LZTR1: variants seen among roughly 807,000 people sequenced by gnomAD.
LZTR1 encodes leucine-zipper-like transcriptional regulator 1.
LZTR1 carries 260 observed loss-of-function variants against 105.7 expected under a neutral mutation model. The ratio of observed to expected loss-of-function variants is 2.46; its 90% CI spans 2.22 to 2.72. The LOEUF is 2.72. LZTR1 is among the 30% of genes most tolerant of loss of function. The pLI, the probability that LZTR1 is intolerant of heterozygous loss-of-function variation, is 0.00. For missense variants in LZTR1, 1,214 were observed against 1,166.9 expected (o/e 1.04, Z -0.59); for synonymous variants, 490 against 476.4 (o/e 1.03, Z -0.37).
chr22:20,987,120 G>C (rs918903628), intron 3 of LZTR1: 1 of 165,046 alleles, frequency 6.1e-6, no homozygotes, highest in African/African-American at 2.4e-5. Context: ...GTAGCTGGGC[G>C]CGGTGGCTCA....
At chr22:20,987,713 T>C in intron 4 of LZTR1, 130 bp downstream of exon 4, 1 of 856,954 alleles carries the variant, frequency 1.2e-6, no homozygotes, top group South Asian at 1.5e-5. Context: ...CGTGGCTTTG[T>C]CTGCCAGTCT....
chr22:20,985,666 A>G (rs1236401078), intron 2 of LZTR1, among the ~76,000 whole-genome samples, 175 bp from the exon 3 acceptor site: 2 of 151,782 alleles, frequency 1.3e-5, no homozygotes, highest in Non-Finnish European at 2.9e-5. Flanking sequence ...TCAGTTGGGG[A>G]GCCTCCTTTG....
chr22:20,986,699 G>A (rs1295154380), intron 3 of LZTR1: 1 of 152,152 alleles, frequency 6.6e-6, no homozygotes, highest in Non-Finnish European at 1.5e-5. Context: ...TGGATATATA[G>A]ATTATATAGA....
intron 2 of LZTR1, among the ~76,000 whole-genome samples, chr22:20,983,676 G>A (rs553566181): frequency 1.1e-4 from 17 of 152,332 alleles, no homozygotes; most frequent in South Asian, 6.2e-4. Flanking sequence ...GCCCTGGAAG[G>A]TCTGGCCTCT....
chr22:20,982,930 T>C, intron 1 of LZTR1, 97 bp from the exon 2 acceptor site: 1 of 946,082 alleles, frequency 1.1e-6, no homozygotes, highest in Admixed American at 1.8e-5. Context: ...TGAGAGGTGA[T>C]ACCTAACTTC....
chr22:20,991,216 T>G, intron 8 of LZTR1: 1 of 190,996 alleles, frequency 5.2e-6, no homozygotes, highest in Non-Finnish European at 1.1e-5. Context: ...CATCAGGATG[T>G]GGGGTACAGG....
chr22:20,993,783 G>C (rs1924693189), intron 12 of LZTR1, 29 bp downstream of exon 12: 3 of 1,598,656 alleles, frequency 1.9e-6, no homozygotes, highest in Non-Finnish European at 2.6e-6. Context: ...ACCCTGCTCT[G>C]CCTGCTGTGC....
In LZTR1 at chr22:20,996,933, C is replaced by CCTGCACA; in HGVS notation, c.2373_2374insCTGCACA (p.Cys792LeufsTer61). The CCTGCACA allele has an allele frequency of 6.2e-7, 1 of 1,613,578 alleles. No homozygotes were observed. Among genetic ancestry groups the CCTGCACA allele is most frequent in the Non-Finnish European group, 8.5e-7 (1 of 1,179,888 alleles). ...CGCAGGCACTGGACATGAAGCGGCA[C>CCTGCACA]TGCCTGCACATCATTGTGCACCAGT... On this transcript the variant is annotated frameshift_variant, in exon 20 of 21. Transcript: ENST00000646124. LOFTEE classifies it high-confidence loss of function.
chr22:20,994,528 T>C, intron 14 of LZTR1, 30 bp from the exon 15 acceptor site: 1 of 1,600,226 alleles, frequency 6.2e-7, no homozygotes, highest in Non-Finnish European at 8.5e-7. Context: ...CCTCTCCGGC[T>C]CCCTGAGATT....
At chr22:20,987,158 C>G (rs140203460) in intron 3 of LZTR1, 51 of 191,426 alleles carry the variant, frequency 2.7e-4, no homozygotes, top group African/African-American at 1.2e-3. Flanking sequence ...CTTTGGGAGG[C>G]TGAGGTGGGC....
At chr22:20,994,793 C>G in intron 15 of LZTR1, 66 bp downstream of exon 15, 1 of 1,607,868 alleles carries the variant, frequency 6.2e-7, no homozygotes. Flanking sequence ...CCCCTCCCTG[C>G]CCACCACTGT....
At chr22:20,987,048 AT>A (rs112537959) in intron 3 of LZTR1, 6,435 of 147,344 alleles carry the variant, frequency 0.044, 448 homozygotes, top group African/African-American at 0.15. Flanking sequence ...CTTATTGGTG[AT>A]TTTTTTTTTT....
rs1232362523 is a variant in LZTR1, at chr22:20,994,269, G to A, written c.1615G>A (p.Gly539Ser). Residue 539 changes from glycine (G) to serine (S), a missense_variant and splice_region_variant, in exon 14 of 21, where the codon GGC becomes AGC. Transcript: ENST00000646124. ...CGACAAGATCAAATACCCACGGAAA[G>A]GTCCGCCTGGGTGGGGGTGGAGCAG... ...YTDKIKYPRKGHVEDVLLIMD... is the reference protein window; with the variant it reads ...YTDKIKYPRKSHVEDVLLIMD... 1.6e-5 allele frequency: 25 copies of A among 1,597,280 alleles called. No homozygotes were observed. Among genetic ancestry groups the A allele is most frequent in the Non-Finnish European group, 2.0e-5 (23 of 1,179,010 alleles).
chr22:20,994,861 C>G lies in LZTR1; in HGVS notation c.1786-9C>G, dbSNP rs757959950. ...ACTCTGCCTGCCTGCCTGTGCCTGT[C>G]TGCCCCAGGAGCACTGCCTGAACTT... On this transcript the variant is annotated splice_polypyrimidine_tract_variant and intron_variant, in intron 15 of 20. Transcript: ENST00000646124. 6.2e-7 allele frequency: 1 copy of G among 1,612,770 alleles called. No homozygotes were observed. Among genetic ancestry groups the G allele is most frequent in the African/African-American group, 1.3e-5 (1 of 74,926 alleles).
rs768770438 is a variant in LZTR1 at position 20,995,744 on chromosome 22, A to C, written c.1943-2A>C. 1.2e-6 allele frequency: 2 copies of C among 1,613,384 alleles called. No individual in the cohort carries two copies. The highest frequency in any genetic ancestry group is 1.1e-5 in the South Asian group (1 of 91,082). On this transcript the variant is annotated splice_acceptor_variant, in intron 16 of 20. Transcript: ENST00000646124. LOFTEE classifies it high-confidence loss of function. ...CCTGCTCAGGGACCCTCCTACCCCC[A>C]GGCACATCTCTGATCCAGGACATGA...
Position 20,988,105 on chromosome 22 carries a change from A to C in LZTR1, c.496A>C (p.Lys166Gln). 3 of 1,608,232 alleles carry C rather than the reference A, an allele frequency of 1.9e-6. No individual in the cohort carries two copies. Among genetic ancestry groups the C allele is most frequent in the East Asian group, 4.5e-5 (2 of 44,868 alleles). The change falls in exon 5 of 21, where the codon AAA becomes CAA. Residue 166 changes from lysine to glutamine, a missense_variant. Physicochemically the swap from Lys to Gln is moderately conservative, Grantham distance 53. Transcript: ENST00000646124. ...TGCAACTGGCCAGTGGACGGAGTGG[A>C]AAATTGAAGGACGGTGAGAAACTTT... ...KFATGQWTEWKIEGRLPVARS... is the reference protein window; with the variant it reads ...KFATGQWTEWQIEGRLPVARS...
intron 6 of LZTR1, 61 bp downstream of exon 6, chr22:20,988,933 G>C: frequency 4.1e-6 from 6 of 1,470,490 alleles, no homozygotes; most frequent in Admixed American, 1.7e-5. Flanking sequence ...GGAGCAGGCC[G>C]TCCTGGCATT....
chr22:20,992,623 G>T (rs1924646396), intron 10 of LZTR1, 171 bp from the exon 11 acceptor site: 1 of 629,140 alleles, frequency 1.6e-6, no homozygotes, highest in Middle Eastern at 4.0e-4. Context: ...TCGCCTACAT[G>T]GGTACCAGGT....
In LZTR1 at chr22:20,996,121, A is replaced by C. The variant is rs372358293; in HGVS notation, c.2219+9A>C. 6.2e-7 allele frequency: 1 copy of C among 1,610,408 alleles called. No individual in the cohort carries two copies. The highest frequency in any genetic ancestry group is 8.5e-7 in the Non-Finnish European group (1 of 1,179,364). ...CCGCCCGAGGACTCGCTGCATCCTC[A>C]CTCCCCAGTGAACTCCCAGGTCCCC... is the stretch of plus-strand genomic sequence containing the variant. On this transcript the variant is annotated intron_variant, in intron 18 of 20. Transcript: ENST00000646124.
Sources: allele counts gnomAD v4.1 joint callset (sites outside exome capture counted in the v4.1 genomes callset), GRCh38; gene constraint gnomAD v4.1.1; transcripts MANE v1.5; gene names NCBI Gene and HGNC (gene_info 2026-07-23, HGNC 2026-07-21).